SMURF1: variants seen among roughly 807,000 people sequenced by gnomAD.
The protein encoded by SMURF1 is E3 ubiquitin-protein ligase SMURF1.
Under a neutral mutation model 98.0 loss-of-function variants are expected in SMURF1, and 44 were observed. The observed-to-expected ratio is 0.45, with a 90% confidence interval of 0.35 to 0.58. The LOEUF is 0.58. SMURF1 is among the 20% of genes least tolerant of loss of function. The probability of loss-of-function intolerance (pLI) is 0.00; values close to 1 mark genes in which losing one functional copy is unlikely to be tolerated. For synonymous variants in SMURF1, 396 were observed against 374.9 expected (o/e 1.06, Z -0.65); for missense variants, 687 against 938.4 (o/e 0.73, Z 3.50).
chr7:99,100,853 T>C (rs1797061643), intron 1 of SMURF1, among the ~76,000 whole-genome samples: 3 of 152,206 alleles, frequency 2.0e-5, no homozygotes, highest in Admixed American at 6.5e-5. Flanking sequence ...GCAACAAGAA[T>C]ATTCAGAGTC....
At chr7:99,037,364 A>G (rs1191827383) in intron 14 of SMURF1, among the ~76,000 whole-genome samples, 177 bp from the exon 15 acceptor site, 4 of 151,910 alleles carry the variant, frequency 2.6e-5, no homozygotes, top group Non-Finnish European at 4.4e-5. Context: ...CACCCTCCCC[A>G]GTAGCTAGGA....
chr7:99,137,330 T>C (rs1798014295), intron 1 of SMURF1, among the ~76,000 whole-genome samples: 1 of 152,214 alleles, frequency 6.6e-6, no homozygotes, highest in Non-Finnish European at 1.5e-5. Flanking sequence ...GCATTAAAGA[T>C]AGGAAAACTG....
At chr7:99,140,407 C>G (rs942221236) in intron 1 of SMURF1, among the ~76,000 whole-genome samples, 1 of 151,644 alleles carries the variant, frequency 6.6e-6, no homozygotes, top group Non-Finnish European at 1.5e-5. Context: ...CTGCCTCAGC[C>G]TACCCAGTAG....
intron 1 of SMURF1, among the ~76,000 whole-genome samples, chr7:99,065,990 G>A (rs1796181059): frequency 6.6e-6 from 1 of 150,580 alleles, no homozygotes; most frequent in Non-Finnish European, 1.5e-5. Flanking sequence ...AGGTTGCAGT[G>A]AACTGAGATC....
At chr7:99,076,852 C>T (rs888115634) in intron 1 of SMURF1, among the ~76,000 whole-genome samples, 6 of 151,490 alleles carry the variant, frequency 4.0e-5, no homozygotes, top group Non-Finnish European at 8.8e-5. Flanking sequence ...TGTGTGTGCA[C>T]GTGCATGTGT....
intron 15 of SMURF1, chr7:99,036,076 C>T (rs548550325): frequency 1.4e-4 from 42 of 309,700 alleles, no homozygotes; most frequent in African/African-American, 8.6e-4. Flanking sequence ...AGGGTCTCTC[C>T]AGGACACTCA....
intron 10 of SMURF1, among the ~76,000 whole-genome samples, chr7:99,046,614 C>T (rs997183727): frequency 6.6e-6 from 1 of 151,610 alleles, no homozygotes; most frequent in Non-Finnish European, 1.5e-5. Context: ...CGCCTGTAAT[C>T]CCAGCTACAC....
At chr7:99,056,428 A>T (rs1795876839) in intron 5 of SMURF1, among the ~76,000 whole-genome samples, 1 of 152,200 alleles carries the variant, frequency 6.6e-6, no homozygotes, top group African/African-American at 2.4e-5. Context: ...ACTTTGTAAC[A>T]TTAGCACACT....
At chr7:99,074,429 A>G (rs192906105) in intron 1 of SMURF1, among the ~76,000 whole-genome samples, 6 of 152,234 alleles carry the variant, frequency 3.9e-5, no homozygotes, top group Non-Finnish European at 8.8e-5. Context: ...TGATGGGGGA[A>G]AAAAGATAGC....
chr7:99,140,594 TG>T (rs1375483501), intron 1 of SMURF1, among the ~76,000 whole-genome samples: 1 of 152,098 alleles, frequency 6.6e-6, no homozygotes, highest in Non-Finnish European at 1.5e-5. Flanking sequence ...GCTAATTTTT[TG>T]TATTTCTAGT....
At chr7:99,063,259 A>ATATAAGATT (rs1796094300) in intron 1 of SMURF1, among the ~76,000 whole-genome samples, 8 of 6,312 alleles carry the variant, frequency 1.3e-3, no homozygotes, top group Non-Finnish European at 2.8e-3. Flanking sequence ...ATATATATAT[A>ATATAAGATT]TATATATATA....
chr7:99,038,289 C>G, intron 14 of SMURF1, 99 bp downstream of exon 14: 1 of 1,391,344 alleles, frequency 7.2e-7, no homozygotes, highest in Non-Finnish European at 9.9e-7. Context: ...CACCAGCCAT[C>G]AGGGACATGC....
intron 1 of SMURF1, among the ~76,000 whole-genome samples, chr7:99,104,457 C>T (rs1184022964): frequency 6.6e-6 from 1 of 152,148 alleles, no homozygotes; most frequent in Non-Finnish European, 1.5e-5. Context: ...TGAAACCCCC[C>T]TCTTCCACTT....
chr7:99,064,300 C>CCCT (rs1796136803), intron 1 of SMURF1, among the ~76,000 whole-genome samples: 1 of 152,006 alleles, frequency 6.6e-6, no homozygotes, highest in Non-Finnish European at 1.5e-5. Flanking sequence ...GGGAAATATT[C>CCCT]CCTCCTCCTC....
At chr7:99,091,590 AC>A (rs1010815126) in intron 1 of SMURF1, among the ~76,000 whole-genome samples, 1 of 152,106 alleles carries the variant, frequency 6.6e-6, no homozygotes, top group African/African-American at 2.4e-5. Flanking sequence ...CCTCTAATTC[AC>A]CACCTCCCTC....
chr7:99,035,473 CA>C (rs1295643778), intron 16 of SMURF1, 41 bp downstream of exon 16: 5 of 1,608,442 alleles, frequency 3.1e-6, no homozygotes, highest in Non-Finnish European at 4.3e-6. Context: ...CCACAGCGCA[CA>C]TAGACGCGTC....
At chr7:99,120,821 AC>A (rs1489827628) in intron 1 of SMURF1, 50 of 151,656 alleles carry the variant, frequency 3.3e-4, no homozygotes, top group African/African-American at 1.2e-3. Context: ...AAAAAAAAAA[AC>A]AACTTTAAAA....
chr7:99,035,859 G>T, intron 15 of SMURF1, 143 bp from the exon 16 acceptor site: 2 of 784,232 alleles, frequency 2.6e-6, no homozygotes, highest in South Asian at 3.6e-5. Flanking sequence ...GTTGAGACAG[G>T]AAGAAAGCTA....
intron 9 of SMURF1, 130 bp downstream of exon 9, chr7:99,049,433 T>C: frequency 2.1e-6 from 2 of 957,322 alleles, no homozygotes; most frequent in South Asian, 1.6e-5. Flanking sequence ...CCGCCAGATA[T>C]TTAACATCAT....
Sources: gnomAD v4.1 joint callset for allele counts (sites outside exome capture counted in the v4.1 genomes callset) on GRCh38, gnomAD v4.1.1 for gene constraint, MANE v1.5 for transcripts, NCBI Gene and HGNC (gene_info 2026-07-23, HGNC 2026-07-21) for gene names.